PDE4D: variants seen among roughly 807,000 people sequenced by gnomAD.
PDE4D encodes the protein 3',5'-cyclic-AMP phosphodiesterase 4D.
PDE4D carries 24 observed loss-of-function variants against 87.4 expected under a neutral mutation model. The ratio of observed to expected loss-of-function variants is 0.27; its 90% CI spans 0.20 to 0.39. The LOEUF (loss-of-function observed/expected upper bound fraction) is 0.39, where lower values mean the gene tolerates loss of function less well. Among genes scored for constraint, PDE4D ranks in the 10% least tolerant of loss-of-function variants. The pLI is 1.00. For synonymous variants in PDE4D, 384 were observed against 383.2 expected (o/e 1.00, Z -0.02); for missense variants, 714 against 1,041.0 (o/e 0.69, Z 4.32).
At chr5:60,512,475 T>C (rs1242884078) in intron 1 of PDE4D, among the ~76,000 whole-genome samples, 2 of 152,114 alleles carry the variant, frequency 1.3e-5, no homozygotes, top group Non-Finnish European at 2.9e-5. Context: ...ATACTAAATA[T>C]CTATAAACTT....
intron 2 of PDE4D, among the ~76,000 whole-genome samples, chr5:60,172,133 A>AT (rs1783512337): frequency 6.8e-6 from 1 of 146,432 alleles, no homozygotes; most frequent in Non-Finnish European, 1.5e-5. Flanking sequence ...TATATAATAT[A>AT]ATATATATAT....
chr5:59,340,561 A>T (rs1281629765), intron 1 of PDE4D, among the ~76,000 whole-genome samples: 15 of 152,204 alleles, frequency 9.9e-5, no homozygotes, highest in African/African-American at 3.1e-4. Flanking sequence ...TTAATTAAAA[A>T]ATGTACAATA....
chr5:60,224,040 A>C (rs115833185), intron 1 of PDE4D, among the ~76,000 whole-genome samples: 1,615 of 152,214 alleles, frequency 0.011, 13 homozygotes, highest in Middle Eastern at 0.034. Context: ...GATACCAATC[A>C]TGGCAGTATT....
At chr5:59,668,922 A>AAG (rs199660442) in intron 1 of PDE4D, among the ~76,000 whole-genome samples, 3,131 of 54,274 alleles carry the variant, frequency 0.058, 69 homozygotes, top group East Asian at 0.093. Context: ...GAAGAAGAAG[A>AAG]AAGAAAGAAA....
At chr5:60,391,976 CT>C (rs556596873) in intron 1 of PDE4D, among the ~76,000 whole-genome samples, 229 of 152,332 alleles carry the variant, frequency 1.5e-3, no homozygotes, top group African/African-American at 5.0e-3. Context: ...CAAGACCCTT[CT>C]GAAACTGTTG....
Position 59,634,577 on chromosome 5 carries a change from G to A in PDE4D, c.455+258591C>T, listed in dbSNP as rs142509261. ...CAATCAAGTTAGAACTCAGGATTAA[G>A]AACTAACTCAAAACAGCACAACTAC... On this transcript the variant is annotated intron_variant, in intron 1 of 14. Coordinates refer to ENST00000340635, the MANE Select transcript of PDE4D (RefSeq NM_001104631.2). Among the ~76,000 whole-genome samples, 1,390 of 152,172 alleles carry A rather than the reference G, an allele frequency of 9.1e-3. 21 individuals carry two copies. Among genetic ancestry groups the A allele is most frequent in the African/African-American group, 0.031 (1,302 of 41,516 alleles).
chr5:59,894,944 T>C (rs1160843212), upstream of PDE4D, among the ~76,000 whole-genome samples: 1 of 152,198 alleles, frequency 6.6e-6, no homozygotes, highest in African/African-American at 2.4e-5. Flanking sequence ...GAAATGCAAT[T>C]TGCTTACTGT....
intron 1 of PDE4D, among the ~76,000 whole-genome samples, chr5:59,552,901 T>G (rs1183293353): frequency 6.6e-6 from 1 of 152,212 alleles, no homozygotes; most frequent in African/African-American, 2.4e-5. Flanking sequence ...TTATTGCAAA[T>G]AGGTCTACTT....
chr5:60,028,746 T>C lies in PDE4D; in HGVS notation c.43-40029A>G, dbSNP rs528381836. Reference sequence around the variant, plus strand: ...CTAAAAACTTCCTTGCATTTTTTTCTCTTTTGATCTTTGATCTCAATATAA... The same window carrying C: ...CTAAAAACTTCCTTGCATTTTTTTCCCTTTTGATCTTTGATCTCAATATAA... On this transcript the variant is annotated intron_variant, in intron 2 of 16. Coordinates refer to the PDE4D transcript ENST00000502484. Among the ~76,000 whole-genome samples the C allele has an allele frequency of 2.0e-5, 3 of 152,336 alleles. No individual in the cohort carries two copies. The East Asian group carries it at 5.8e-4, about 29-fold the overall frequency.
At chr5:60,049,745 T>G (rs1200496388) in intron 2 of PDE4D, among the ~76,000 whole-genome samples, 1 of 152,192 alleles carries the variant, frequency 6.6e-6, no homozygotes, top group Admixed American at 6.5e-5. Context: ...AGCTGCATGC[T>G]GGGAGAACCA....
intron 5 of PDE4D, among the ~76,000 whole-genome samples, chr5:59,126,615 G>C (rs1041359612): frequency 6.6e-6 from 1 of 152,148 alleles, no homozygotes; most frequent in African/African-American, 2.4e-5. Flanking sequence ...TGCTCCTCTA[G>C]TATCAGTCCA....
intron 1 of PDE4D, among the ~76,000 whole-genome samples, chr5:60,397,375 A>T (rs1393529259): frequency 6.6e-6 from 1 of 152,242 alleles, no homozygotes; most frequent in African/African-American, 2.4e-5. Flanking sequence ...AATAGCCAAG[A>T]TATGGAATCA....
chr5:60,002,032 G>C (rs1764072599), intron 2 of PDE4D, among the ~76,000 whole-genome samples: 1 of 151,796 alleles, frequency 6.6e-6, no homozygotes, highest in East Asian at 1.9e-4. Context: ...TTAAATGGCA[G>C]TAATAACTCC....
intron 5 of PDE4D, among the ~76,000 whole-genome samples, chr5:59,048,720 A>G (rs763781223): frequency 1.3e-5 from 2 of 152,184 alleles, no homozygotes; most frequent in East Asian, 3.9e-4. Flanking sequence ...AATAAATAGA[A>G]AGTTCTGGAG....
intron 1 of PDE4D, among the ~76,000 whole-genome samples, chr5:59,245,299 T>C (rs1243281915): frequency 1.3e-5 from 2 of 152,260 alleles, no homozygotes; most frequent in Non-Finnish European, 2.9e-5. Flanking sequence ...TATGTGCTTT[T>C]GCCCAAAAAG....
At chr5:60,296,163 G>A (rs1753365568) in intron 1 of PDE4D, among the ~76,000 whole-genome samples, 1 of 152,120 alleles carries the variant, frequency 6.6e-6, no homozygotes, top group African/African-American at 2.4e-5. Context: ...TATGAATTTT[G>A]GAGGGACACA....
At chr5:60,316,699 G>C (rs923734499) in intron 1 of PDE4D, among the ~76,000 whole-genome samples, 6 of 152,010 alleles carry the variant, frequency 3.9e-5, no homozygotes, top group Non-Finnish European at 7.4e-5. Flanking sequence ...TAGCATGAAG[G>C]GCTGTTGAAT....
intron 5 of PDE4D, chr5:59,172,893 A>T (rs1783239700): frequency 6.6e-6 from 1 of 152,054 alleles, no homozygotes; most frequent in South Asian, 2.1e-4. Flanking sequence ...TTGACCAAGC[A>T]GATAATAATA....
At chr5:60,196,423 G>A (rs996613237) in intron 1 of PDE4D, among the ~76,000 whole-genome samples, 6 of 151,722 alleles carry the variant, frequency 4.0e-5, no homozygotes, top group African/African-American at 1.4e-4. Flanking sequence ...TTAGCCTCCT[G>A]CAGCAGAGAA....
Sources: gnomAD v4.1 joint callset for allele counts (sites outside exome capture counted in the v4.1 genomes callset) on GRCh38, gnomAD v4.1.1 for gene constraint, MANE v1.5 for transcripts, NCBI Gene and HGNC (gene_info 2026-07-23, HGNC 2026-07-21) for gene names.